The following MASP1 variants were observed in gnomAD, a reference collection of about 807,000 sequenced individuals.
MASP1 encodes mannan-binding lectin serine protease 1.
In MASP1, 59 loss-of-function variants were observed where a neutral mutation model predicts 77.1. That is an observed-to-expected ratio of 0.77 (90% CI 0.62 to 0.95). The LOEUF (loss-of-function observed/expected upper bound fraction) is 0.95. Among genes scored for constraint, MASP1 ranks in the 40% least tolerant of loss-of-function variants. MASP1 has a pLI of 0.00. For missense variants in MASP1, 885 were observed against 912.9 expected, an observed-to-expected ratio of 0.97 and a Z score of 0.39; for synonymous variants, 362 against 354.5, an observed-to-expected ratio of 1.02 and a Z score of -0.24.
chr3:187,217,746 C>T (rs1247431171), exon 16 of MASP1: 2 of 152,326 alleles, frequency 1.3e-5, no homozygotes, highest in Admixed American at 1.3e-4. Context: ...CTAATAAGTG[C>T]TTGTAGGTCA....
At chr3:187,231,980 G>T (rs1712792760), downstream of MASP1, among the ~76,000 whole-genome samples, 1 of 152,176 alleles carries the variant, frequency 6.6e-6, no homozygotes, top group South Asian at 2.1e-4. Context: ...TACAGAGAGA[G>T]GACCGAGAGA....
chr3:187,226,313 G>A (rs146583546), intron 12 of MASP1: 67 of 908,388 alleles, frequency 7.4e-5, no homozygotes, highest in South Asian at 5.2e-4. Flanking sequence ...ATGAGTGAGC[G>A]AGTGAGTGAG....
intron 2 of MASP1, among the ~76,000 whole-genome samples, chr3:187,267,120 A>C (rs1479044552): frequency 6.6e-6 from 1 of 152,230 alleles, no homozygotes; most frequent in Non-Finnish European, 1.5e-5. Flanking sequence ...TGACTGGTGA[A>C]TCTAGTGAGT....
At chr3:187,222,396 C>T (rs1002770080) in intron 14 of MASP1, among the ~76,000 whole-genome samples, 2 of 152,092 alleles carry the variant, frequency 1.3e-5, no homozygotes, top group Non-Finnish European at 2.9e-5. Flanking sequence ...AAATAGACCC[C>T]CGGGAGTTAG....
intron 1 of MASP1, 196 bp downstream of exon 1, chr3:187,291,432 G>A (rs942989931): frequency 1.3e-5 from 9 of 666,830 alleles, no homozygotes; most frequent in Non-Finnish European, 2.4e-5. Context: ...CAAGTTTTAT[G>A]TCTCCTGGAG....
chr3:187,219,867 G>T (rs1187392100), exon 16 of MASP1: 1 of 609,812 alleles, frequency 1.6e-6, no homozygotes, highest in East Asian at 2.9e-5. Context: ...GCCTGGATTC[G>T]GCCTGTGTTC....
At chr3:187,248,465 A>G (rs1714286280) in intron 8 of MASP1, among the ~76,000 whole-genome samples, 1 of 152,178 alleles carries the variant, frequency 6.6e-6, no homozygotes, top group Non-Finnish European at 1.5e-5. Flanking sequence ...GCTGAGAGGG[A>G]CTGTCAGCTT....
At chr3:187,275,132 G>C (rs1716858474) in intron 2 of MASP1, among the ~76,000 whole-genome samples, 1 of 152,164 alleles carries the variant, frequency 6.6e-6, no homozygotes, top group African/African-American at 2.4e-5. Context: ...TTGGAGGCTG[G>C]GCCCCAAACA....
downstream of MASP1, among the ~76,000 whole-genome samples, chr3:187,231,917 C>G (rs1712788948): frequency 6.6e-6 from 1 of 152,168 alleles, no homozygotes; most frequent in African/African-American, 2.4e-5. Context: ...GAGAAAAGAG[C>G]TAAAAGCCCA....
At chr3:187,225,340 C>G in exon 13 of MASP1, 1 of 1,613,298 alleles carries the variant, frequency 6.2e-7, no homozygotes, top group East Asian at 2.2e-5. Flanking sequence ...GCTGGGGTCC[C>G]TCAGGCAGAC....
In MASP1 at chr3:187,235,216, C is replaced by T. The variant is rs1472490408; in HGVS notation, c.*468G>A. ...GAGGAAGGATTAGGCCAAGGCTAGT[C>T]CCAGAAGGCAGAGCAGGAAAATATA... On this transcript the variant is annotated 3_prime_UTR_variant, in exon 11 of 11. Transcript: ENST00000296280. 2 of 1,288,834 alleles carry T rather than the reference C, an allele frequency of 1.6e-6. No homozygotes were observed. Among genetic ancestry groups the T allele is most frequent in the Admixed American group, 2.3e-5 (1 of 43,594 alleles). The allele number at this position is 1,288,834 out of a possible 1,614,324, so 79.8% of individuals were successfully genotyped here. A position where few individuals can be genotyped will look rare whatever the true frequency, so the allele number is the denominator to read the frequency against.
At chr3:187,290,447 A>T (rs1055029812) in intron 1 of MASP1, among the ~76,000 whole-genome samples, 1 of 152,200 alleles carries the variant, frequency 6.6e-6, no homozygotes, top group Non-Finnish European at 1.5e-5. Flanking sequence ...TGACAGATAA[A>T]TGAGATTATC....
At chr3:187,277,096 G>A (rs1717028499) in intron 2 of MASP1, among the ~76,000 whole-genome samples, 1 of 152,134 alleles carries the variant, frequency 6.6e-6, no homozygotes, top group East Asian at 1.9e-4. Flanking sequence ...GAACTGGAAG[G>A]GTTTGGAGAG....
chr3:187,279,280 G>A (rs985820944), intron 2 of MASP1, among the ~76,000 whole-genome samples: 2 of 152,200 alleles, frequency 1.3e-5, no homozygotes, highest in Admixed American at 6.5e-5. Flanking sequence ...GAAAGCATTA[G>A]CATGGGGGAG....
Position 187,236,190 on chromosome 3 carries a change from C to T in MASP1, c.1681G>A (p.Glu561Lys). Residue 561 changes from glutamate to lysine, a missense_variant, in exon 11 of 11, where the codon GAG (glutamate) becomes AAG (lysine). Coordinates refer to ENST00000296280, the MANE Select transcript of MASP1 (RefSeq NM_139125.4). Reference protein sequence around the residue: ...NHDIALVQLQEPVPLGPHVMP... With the variant: ...NHDIALVQLQKPVPLGPHVMP... ...ACGTGGGGTCCCAGGGGCACAGGCT[C>T]CTGCAGCTGCACCAGAGCTATATCG... The T allele has an allele frequency of 1.9e-6, 3 of 1,614,146 alleles. No individual in the cohort carries two copies. Among genetic ancestry groups the T allele is most frequent in the South Asian group, 1.1e-5 (1 of 91,076 alleles).
chr3:187,269,064 C>CAAAAAA (rs35550567), intron 2 of MASP1, among the ~76,000 whole-genome samples: 1 of 115,436 alleles, frequency 8.7e-6, no homozygotes, highest in Non-Finnish European at 1.8e-5. Flanking sequence ...GACACTGTCT[C>CAAAAAA]AAAAAAAAAA....
chr3:187,227,489 CA>C (rs957181320), intron 11 of MASP1, among the ~76,000 whole-genome samples: 19 of 152,166 alleles, frequency 1.2e-4, no homozygotes, highest in African/African-American at 4.3e-4. Flanking sequence ...GAGACATATC[CA>C]AGATGAGCCA....
chr3:187,246,761 AG>A, intron 8 of MASP1: 1 of 970,750 alleles, frequency 1.0e-6, no homozygotes, highest in Non-Finnish European at 1.2e-6. Context: ...ATGACATTTC[AG>A]CCCTGCGCCA....
intron 3 of MASP1, among the ~76,000 whole-genome samples, chr3:187,261,914 C>T (rs758308495): frequency 5.9e-5 from 9 of 152,208 alleles, no homozygotes; most frequent in Non-Finnish European, 1.2e-4. Context: ...ATTACTGATG[C>T]ATGCGACACA....
Sources: allele counts gnomAD v4.1 joint callset (sites outside exome capture counted in the v4.1 genomes callset), GRCh38; gene constraint gnomAD v4.1.1; transcripts MANE v1.5; gene names NCBI Gene and HGNC (gene_info 2026-07-23, HGNC 2026-07-21).